RBFOX1: variants seen among roughly 807,000 people sequenced by gnomAD.
RBFOX1 encodes RNA binding protein fox-1 homolog 1.
RBFOX1 carries 8 observed loss-of-function variants against 57.7 expected under a neutral mutation model. The observed-to-expected ratio is 0.14, with a 90% CI of 0.08 to 0.25. RBFOX1 has a LOEUF of 0.25. Ranked by LOEUF, RBFOX1 falls within the 10% of genes least tolerant of loss-of-function variation. The pLI, the probability that RBFOX1 is intolerant of heterozygous loss-of-function variation, is 1.00. For missense variants in RBFOX1, 611 were observed against 548.5 expected (o/e 1.11, Z -1.14); for synonymous variants, 326 against 222.4 (o/e 1.47, Z -4.15).
chr16:7,232,271 T>C (rs1246235668), intron 4 of RBFOX1, among the ~76,000 whole-genome samples: 1 of 152,086 alleles, frequency 6.6e-6, no homozygotes, highest in Non-Finnish European at 1.5e-5. Context: ...TTACTTTAAA[T>C]GGTTAACAAC....
chr16:7,263,754 G>T (rs569403607), intron 4 of RBFOX1, among the ~76,000 whole-genome samples: 101 of 152,034 alleles, frequency 6.6e-4, no homozygotes, highest in African/African-American at 2.4e-3. Context: ...AAATTAGCTG[G>T]GTGTGGTGGC....
At chr16:5,921,076 C>T (rs1417738660) in intron 4 of RBFOX1, among the ~76,000 whole-genome samples, 1 of 152,174 alleles carries the variant, frequency 6.6e-6, no homozygotes, top group Non-Finnish European at 1.5e-5. Flanking sequence ...CTTAGCCCTT[C>T]CAAATTGCAA....
chr16:6,700,645 C>T (rs369181952), intron 3 of RBFOX1, among the ~76,000 whole-genome samples: 8 of 151,874 alleles, frequency 5.3e-5, no homozygotes, highest in African/African-American at 1.7e-4. Context: ...GCAACAAAAA[C>T]GAAACTTCAT....
At chr16:6,969,836 C>T (rs984982621) in intron 3 of RBFOX1, among the ~76,000 whole-genome samples, 1 of 152,146 alleles carries the variant, frequency 6.6e-6, no homozygotes, top group Non-Finnish European at 1.5e-5. Context: ...GGCCCTAATT[C>T]TGAGTGTCAG....
chr16:5,687,954 T>A (rs2050555070), intron 3 of RBFOX1, among the ~76,000 whole-genome samples: 1 of 152,184 alleles, frequency 6.6e-6, no homozygotes, highest in East Asian at 1.9e-4. Flanking sequence ...TTTTTCTCCT[T>A]AACTCACAGT....
At chr16:6,945,937 C>T (rs891513335) in intron 3 of RBFOX1, among the ~76,000 whole-genome samples, 6 of 152,200 alleles carry the variant, frequency 3.9e-5, no homozygotes, top group Non-Finnish European at 7.3e-5. Flanking sequence ...CCCCCAGGGG[C>T]GTTTACCATT....
intron 7 of RBFOX1, 69 bp downstream of exon 7, chr16:7,587,369 C>A (rs949451562): frequency 7.1e-6 from 10 of 1,405,400 alleles, no homozygotes; most frequent in Non-Finnish European, 7.5e-6. Flanking sequence ...TAAGGGGAAA[C>A]AACTGCACTG....
chr16:6,502,514 C>G (rs926222395), intron 2 of RBFOX1, among the ~76,000 whole-genome samples: 3 of 152,058 alleles, frequency 2.0e-5, no homozygotes, highest in Admixed American at 6.6e-5. Flanking sequence ...AAGGATTGTA[C>G]GACATTCTGC....
chr16:5,657,631 T>C (rs2049475064), intron 3 of RBFOX1, among the ~76,000 whole-genome samples: 1 of 61,944 alleles, frequency 1.6e-5, no homozygotes, highest in Non-Finnish European at 3.0e-5. Flanking sequence ...TCTCTTTCTT[T>C]CTTTCTTTCT....
chr16:6,747,982 G>T (rs907393126), intron 3 of RBFOX1, among the ~76,000 whole-genome samples: 2 of 152,148 alleles, frequency 1.3e-5, no homozygotes, highest in Non-Finnish European at 2.9e-5. Flanking sequence ...CTTTTGAAAT[G>T]CACCTATTAT....
At chr16:6,717,170 TG>T (rs1276821724) in intron 3 of RBFOX1, among the ~76,000 whole-genome samples, 1 of 152,074 alleles carries the variant, frequency 6.6e-6, no homozygotes, top group African/African-American at 2.4e-5. Context: ...GCACGGTCTA[TG>T]GTATTGTGTT....
intron 1 of RBFOX1, among the ~76,000 whole-genome samples, chr16:5,263,178 T>C (rs528904843): frequency 2.3e-4 from 35 of 152,206 alleles, no homozygotes; most frequent in African/African-American, 8.4e-4. Context: ...AGTAGAATAA[T>C]ACAGATATGG....
chr16:7,545,201 G>A (rs2084088581), intron 5 of RBFOX1, among the ~76,000 whole-genome samples: 2 of 152,190 alleles, frequency 1.3e-5, no homozygotes, highest in South Asian at 4.2e-4. Context: ...CACGGTTAAA[G>A]TAAAGGTTGT....
chr16:5,567,635 CAAA>C (rs34858401), intron 2 of RBFOX1, among the ~76,000 whole-genome samples: 2 of 63,152 alleles, frequency 3.2e-5, no homozygotes, highest in Non-Finnish European at 5.4e-5. Flanking sequence ...AGGTTATAGG[CAAA>C]AAAAAAAAAA....
intron 3 of RBFOX1, among the ~76,000 whole-genome samples, chr16:5,825,663 G>A (rs987026948): frequency 2.6e-5 from 4 of 152,090 alleles, no homozygotes; most frequent in Admixed American, 2.6e-4. Context: ...ACCACTGTCT[G>A]CCCCAGAAAC....
intron 4 of RBFOX1, among the ~76,000 whole-genome samples, chr16:5,944,987 A>AGAG (rs1555453188): frequency 4.1e-5 from 4 of 97,088 alleles, no homozygotes; most frequent in South Asian, 4.7e-4. Flanking sequence ...AAAAAAAAAA[A>AGAG]AGAGAGAGAG....
chr16:6,233,944 CA>C (rs1232302653), intron 1 of RBFOX1, among the ~76,000 whole-genome samples: 37 of 152,172 alleles, frequency 2.4e-4, no homozygotes, highest in Non-Finnish European at 4.6e-4. Flanking sequence ...TGTATTTTAT[CA>C]CAGTTTCAGA....
intron 1 of RBFOX1, among the ~76,000 whole-genome samples, chr16:6,298,096 G>A (rs1448344961): frequency 6.6e-6 from 1 of 152,206 alleles, no homozygotes; most frequent in Non-Finnish European, 1.5e-5. Flanking sequence ...TCCGTGGATG[G>A]CAAGGCTAAA....
At chr16:5,743,283 G>A (rs1025178918) in intron 3 of RBFOX1, among the ~76,000 whole-genome samples, 20 of 152,172 alleles carry the variant, frequency 1.3e-4, no homozygotes, top group Admixed American at 3.9e-4. Flanking sequence ...GGCACCTTCT[G>A]TTTTCTGAGT....
Sources: allele counts gnomAD v4.1 joint callset (sites outside exome capture counted in the v4.1 genomes callset), GRCh38; gene constraint gnomAD v4.1.1; transcripts MANE v1.5; gene names NCBI Gene and HGNC (gene_info 2026-07-23, HGNC 2026-07-21).